TENM2: variants seen among roughly 807,000 people sequenced by gnomAD.
TENM2 encodes teneurin transmembrane protein 2.
In TENM2, 52 loss-of-function variants were observed where a neutral mutation model predicts 245.2. The ratio of observed to expected loss-of-function variants is 0.21; its 90% CI spans 0.17 to 0.27. The LOEUF (loss-of-function observed/expected upper bound fraction) is 0.27, where lower values mean the gene tolerates loss of function less well. Ranked by LOEUF, TENM2 falls within the 10% of genes least tolerant of loss-of-function variation. The pLI is 1.00. For missense variants in TENM2, 3,046 were observed against 3,666.8 expected, an observed-to-expected ratio of 0.83 and a Z score of 4.37; for synonymous variants, 1,363 against 1,438.9, an observed-to-expected ratio of 0.95 and a Z score of 1.19.
At chr5:167,651,041 T>C (rs1008051628) in intron 2 of TENM2, among the ~76,000 whole-genome samples, 9 of 152,012 alleles carry the variant, frequency 5.9e-5, no homozygotes, top group African/African-American at 1.7e-4. Context: ...ATATTGCACA[T>C]TGGTAAAAGA....
intron 2 of TENM2, among the ~76,000 whole-genome samples, chr5:167,764,498 A>G (rs1284090931): frequency 6.6e-6 from 1 of 152,194 alleles, no homozygotes; most frequent in Non-Finnish European, 1.5e-5. Flanking sequence ...GGAGACCTCT[A>G]TTGAATATGA....
At chr5:167,652,341 C>T (rs1419217571) in intron 2 of TENM2, among the ~76,000 whole-genome samples, 1 of 152,262 alleles carries the variant, frequency 6.6e-6, no homozygotes, top group East Asian at 1.9e-4. Context: ...AATCTCATTA[C>T]CACATTTAAC....
intron 2 of TENM2, among the ~76,000 whole-genome samples, chr5:167,454,744 A>G (rs1283241184): frequency 6.6e-6 from 1 of 152,132 alleles, no homozygotes; most frequent in African/African-American, 2.4e-5. Context: ...CAGTTACATC[A>G]GATCTGTATT....
At chr5:167,779,213 G>A (rs1764016230) in intron 2 of TENM2, among the ~76,000 whole-genome samples, 1 of 152,178 alleles carries the variant, frequency 6.6e-6, no homozygotes. Context: ...TGTAAGTAGG[G>A]ACTAATGTGA....
chr5:168,055,760 A>G (rs1789486321), intron 6 of TENM2, among the ~76,000 whole-genome samples: 1 of 152,220 alleles, frequency 6.6e-6, no homozygotes, highest in Admixed American at 6.5e-5. Flanking sequence ...TAGAGCACCT[A>G]CAATTTAGGT....
At chr5:167,487,459 A>G (rs966275320) in intron 2 of TENM2, among the ~76,000 whole-genome samples, 4 of 151,676 alleles carry the variant, frequency 2.6e-5, no homozygotes, top group Non-Finnish European at 4.4e-5. Context: ...GTTTATATAT[A>G]TGTGTTTTTG....
Position 168,190,336 on chromosome 5 carries a change from G to T in TENM2, c.2570-1G>T. On this transcript the variant is annotated splice_acceptor_variant, in intron 13 of 28. Coordinates refer to ENST00000518659, the Ensembl canonical transcript of TENM2. LOFTEE classifies it high-confidence loss of function. Reference sequence around the variant, plus strand: ...CTCTGGCTCTGCCTCTGCCCTTCCAGATGGCCTGGTGGATTGTTTGGACCC... The same window carrying T: ...CTCTGGCTCTGCCTCTGCCCTTCCATATGGCCTGGTGGATTGTTTGGACCC... The T allele has an allele frequency of 6.2e-7, 1 of 1,612,650 alleles. No homozygotes were observed. Among genetic ancestry groups the T allele is most frequent in the South Asian group, 1.1e-5 (1 of 90,834 alleles).
At chr5:167,351,488 T>G (rs4869032) in intron 1 of TENM2, among the ~76,000 whole-genome samples, 91,023 of 151,656 alleles carry the variant, frequency 0.6, 27,409 homozygotes, top group South Asian at 0.67. Flanking sequence ...ATGGGTTCAC[T>G]GAGCAATAGC....
At chr5:167,912,904 G>A (rs898840866) in intron 3 of TENM2, among the ~76,000 whole-genome samples, 1 of 152,048 alleles carries the variant, frequency 6.6e-6, no homozygotes, top group African/African-American at 2.4e-5. Context: ...CCAGCCACTG[G>A]TACACCCTGG....
At chr5:167,755,558 C>G (rs1301042076) in intron 2 of TENM2, among the ~76,000 whole-genome samples, 1 of 152,100 alleles carries the variant, frequency 6.6e-6, no homozygotes, top group Non-Finnish European at 1.5e-5. Flanking sequence ...CTGAAATACT[C>G]TTTCAAGTGA....
At chr5:167,728,786 G>C (rs2150548554) in intron 2 of TENM2, 1 of 152,570 alleles carries the variant, frequency 6.6e-6, no homozygotes, top group Admixed American at 6.5e-5. Context: ...GACAATGTTG[G>C]TGGGAACCAC....
At chr5:168,059,507 C>G (rs1165970412) in intron 6 of TENM2, among the ~76,000 whole-genome samples, 1 of 152,068 alleles carries the variant, frequency 6.6e-6, no homozygotes, top group South Asian at 2.1e-4. Context: ...TGTTGCCATG[C>G]TGATTGCTGG....
the TENM2 span, among the ~76,000 whole-genome samples, chr5:167,001,486 G>A: frequency 1.3e-5 from 2 of 151,484 alleles, no homozygotes; most frequent in Admixed American, 6.6e-5. Context: ...GGGAACATCT[G>A]CCATTATACT....
At chr5:167,062,963 A>G in the TENM2 span, among the ~76,000 whole-genome samples, 3 of 152,338 alleles carry the variant, frequency 2.0e-5, no homozygotes. Flanking sequence ...CCAAAATTCA[A>G]CCTTCTTCTT....
intron 27 of TENM2, among the ~76,000 whole-genome samples, chr5:168,255,829 G>A (rs1339956485): frequency 2.7e-5 from 4 of 150,152 alleles, no homozygotes; most frequent in African/African-American, 9.8e-5. Context: ...TTTTTGAGAC[G>A]AAGTCTCACT....
intron 2 of TENM2, among the ~76,000 whole-genome samples, chr5:167,647,413 G>A (rs1006429369): frequency 1.3e-5 from 2 of 151,928 alleles, no homozygotes. Context: ...ACCTGAGGTC[G>A]GGAGTTCGAG....
chr5:168,126,802 C>T (rs773599429), exon 12 of TENM2: 78 of 1,613,178 alleles, frequency 4.8e-5, no homozygotes, highest in Non-Finnish European at 6.2e-5. Flanking sequence ...ATCGGGGGAG[C>T]CTGCCGCTGT....
the TENM2 span, among the ~76,000 whole-genome samples, chr5:167,043,651 T>C: frequency 3.9e-5 from 6 of 152,126 alleles, no homozygotes; most frequent in East Asian, 1.2e-3. Context: ...TAGCTAAAGA[T>C]ATTGGCAGTG....
intron 3 of TENM2, among the ~76,000 whole-genome samples, chr5:167,929,053 GAAAGAGAGAAAGAAAGAAAGAA>G (rs1778007567): frequency 1.3e-5 from 1 of 77,686 alleles, no homozygotes; most frequent in African/African-American, 5.8e-5. Flanking sequence ...AAAAAAGAAA[GAAAGAGAGAAAGAAAGAAAGAA>G]AGAAAGAAAG....
Sources: gnomAD v4.1 joint callset for allele counts (sites outside exome capture counted in the v4.1 genomes callset) on GRCh38, gnomAD v4.1.1 for gene constraint, MANE v1.5 for transcripts, NCBI Gene and HGNC (gene_info 2026-07-23, HGNC 2026-07-21) for gene names.